GJB7: variants seen among roughly 807,000 people sequenced by gnomAD.
GJB7 encodes the protein gap junction protein beta 7, also known as gap junction beta-7 protein.
For synonymous variants in GJB7, 87 were observed against 95.2 expected, an observed-to-expected ratio of 0.91 and a Z score of 0.50; for missense variants, 253 against 256.8, an observed-to-expected ratio of 0.99 and a Z score of 0.10.
intron 1 of GJB7, among the ~76,000 whole-genome samples, chr6:87,328,772 G>A (rs536358318): frequency 1.3e-5 from 2 of 152,180 alleles, no homozygotes; most frequent in East Asian, 1.9e-4. Context: ...AGCTGTGGTG[G>A]GCTCCACCCA....
intron 2 of GJB7, among the ~76,000 whole-genome samples, chr6:87,285,426 T>G (rs1001525925): frequency 7.2e-5 from 11 of 152,174 alleles, no homozygotes; most frequent in South Asian, 4.1e-4. Flanking sequence ...TGCCCCTGCT[T>G]CTTCTTGGTT....
chr6:87,313,658 A>G (rs1396317988), intron 2 of GJB7, among the ~76,000 whole-genome samples: 1 of 152,238 alleles, frequency 6.6e-6, no homozygotes, highest in Non-Finnish European at 1.5e-5. Context: ...CTTTTGAGTT[A>G]AAATATCACA....
At chr6:87,318,695 G>A (rs371043368) in intron 2 of GJB7, among the ~76,000 whole-genome samples, 1 of 152,164 alleles carries the variant, frequency 6.6e-6, no homozygotes, top group Non-Finnish European at 1.5e-5. Flanking sequence ...ATGGATAAAG[G>A]TGGGGACACA....
At chr6:87,291,346 A>T (rs3857488) in intron 2 of GJB7, among the ~76,000 whole-genome samples, 16 of 152,006 alleles carry the variant, frequency 1.1e-4, no homozygotes, top group Non-Finnish European at 2.2e-4. Flanking sequence ...CTTCGACACT[A>T]GGAATCCATG....
chr6:87,306,503 A>G (rs182366039), intron 2 of GJB7, among the ~76,000 whole-genome samples: 1 of 152,206 alleles, frequency 6.6e-6, no homozygotes, highest in Non-Finnish European at 1.5e-5. Flanking sequence ...TAGAATGGCC[A>G]TCATTAAAAA....
At chr6:87,313,729 T>C (rs1776543060) in intron 2 of GJB7, among the ~76,000 whole-genome samples, 1 of 152,122 alleles carries the variant, frequency 6.6e-6, no homozygotes, top group Admixed American at 6.5e-5. Flanking sequence ...ATTTGGCAAA[T>C]GGAAAAGGAA....
intron 2 of GJB7, among the ~76,000 whole-genome samples, chr6:87,292,255 G>A (rs2127899507): frequency 6.6e-6 from 1 of 152,262 alleles, no homozygotes; most frequent in South Asian, 2.1e-4. Context: ...CAAAGAAGCT[G>A]GAACAATGAG....
chr6:87,316,496 G>A (rs1387511386), intron 2 of GJB7, among the ~76,000 whole-genome samples: 1 of 152,230 alleles, frequency 6.6e-6, no homozygotes. Flanking sequence ...CAAAGGGCAG[G>A]TGTAGGAAAG....
At chr6:87,301,759 C>G (rs957323070) in intron 2 of GJB7, among the ~76,000 whole-genome samples, 9 of 152,220 alleles carry the variant, frequency 5.9e-5, no homozygotes, top group African/African-American at 2.2e-4. Flanking sequence ...CCCGGAGTAG[C>G]CTAACTGGGA....
chr6:87,308,240 G>T (rs903007569), intron 2 of GJB7, among the ~76,000 whole-genome samples: 5 of 150,368 alleles, frequency 3.3e-5, no homozygotes, highest in Admixed American at 2.0e-4. Context: ...GTCGGGGGAG[G>T]GGGGAGGGAT....
intron 1 of GJB7, among the ~76,000 whole-genome samples, chr6:87,325,660 C>A (rs1458963181): frequency 6.6e-6 from 1 of 151,492 alleles, no homozygotes; most frequent in Admixed American, 6.6e-5. Flanking sequence ...CTGCTGGATT[C>A]CGTTTGCCAG....
In GJB7 at chr6:87,319,877, G is replaced by A. The variant is rs1300388761; in HGVS notation, c.-28+2989C>T. Among the ~76,000 whole-genome samples, 4 of 152,184 alleles carry A rather than the reference G, an allele frequency of 2.6e-5. No homozygotes were observed. The East Asian group carries it at 5.8e-4, about 22-fold the overall frequency. On this transcript the variant is annotated intron_variant, in intron 2 of 2. Transcript: ENST00000525899. ...AATTTGCAACCACATAGATGGAACC[G>A]GAGGACATTATTTTCAGTGAAATAA...
intron 2 of GJB7, among the ~76,000 whole-genome samples, chr6:87,307,929 A>G (rs1160780585): frequency 1.3e-5 from 2 of 152,222 alleles, no homozygotes; most frequent in African/African-American, 2.4e-5. Flanking sequence ...AGGCACACGT[A>G]TGTTTATTGC....
intron 2 of GJB7, among the ~76,000 whole-genome samples, chr6:87,319,271 A>C (rs1230227666): frequency 6.6e-6 from 1 of 152,248 alleles, no homozygotes; most frequent in Non-Finnish European, 1.5e-5. Context: ...TTATAAACAA[A>C]AATGACTAAA....
At chr6:87,306,266 A>G (rs950844993) in intron 2 of GJB7, among the ~76,000 whole-genome samples, 5 of 152,320 alleles carry the variant, frequency 3.3e-5, no homozygotes, top group African/African-American at 9.6e-5. Context: ...GAAAATTTCC[A>G]CAACCTACTC....
In GJB7 at chr6:87,283,204, C is replaced by T. The variant is rs545052337; in HGVS notation, c.*1037G>A. ...GGGAGATATACTAGTAAATTATAGG[C>T]GAACTATGACTTACAGTATAGTACA... On this transcript the variant is annotated 3_prime_UTR_variant, in exon 3 of 3. Transcript: ENST00000525899. The T allele has an allele frequency of 7.2e-5, 11 of 152,236 alleles. No individual in the cohort carries two copies. Among genetic ancestry groups the T allele is most frequent in the African/African-American group, 1.9e-4 (8 of 41,528 alleles). The allele number at this position is 152,236 out of a possible 1,614,324, so 9.4% of individuals were successfully genotyped here.
chr6:87,304,569 T>G (rs1219264763), intron 2 of GJB7, among the ~76,000 whole-genome samples: 1 of 152,060 alleles, frequency 6.6e-6, no homozygotes, highest in East Asian at 1.9e-4. Flanking sequence ...GGACCAGATG[T>G]ATTCACAGCC....
intron 2 of GJB7, among the ~76,000 whole-genome samples, chr6:87,286,552 T>C (rs915040483): frequency 6.6e-5 from 10 of 152,216 alleles, no homozygotes; most frequent in Non-Finnish European, 1.5e-4. Context: ...CTTCTTCGCA[T>C]CTCTTGCTCT....
At position 87,328,452 on chromosome 6, in the gene GJB7, G is replaced by T. The variant is rs1007829594; in HGVS notation, c.-206+686C>A. ...TTTGGTGTGGATGTCCTTTCTGTTT[G>T]TTAGTTTTCCTTCTAACAGACAGGA... On this transcript the variant is annotated intron_variant, in intron 1 of 2. Coordinates refer to ENST00000525899, the MANE Select transcript of GJB7 (RefSeq NM_198568.3). 9.5e-4 allele frequency among the ~76,000 whole-genome samples: 144 copies of T among 151,970 alleles called. 2 individuals are homozygous for T. The highest frequency in any genetic ancestry group is 3.5e-3 in the African/African-American group (143 of 41,424).
Sources: allele counts gnomAD v4.1 joint callset (sites outside exome capture counted in the v4.1 genomes callset), GRCh38; gene constraint gnomAD v4.1.1; transcripts MANE v1.5; gene names NCBI Gene and HGNC (gene_info 2026-07-23, HGNC 2026-07-21).